Variants in ENTREP2 observed in about 807,000 individuals in gnomAD.
The protein encoded by ENTREP2 is endosomal transmembrane epsin interactor 2.
chr15:29,128,692 AAG>A, the ENTREP2 span: 2 of 893,684 alleles, frequency 2.2e-6, no homozygotes, highest in Non-Finnish European at 3.6e-6. Flanking sequence ...GAGGAGGAAA[AAG>A]AGAAGAGAAG....
At chr15:29,323,677 G>T in the ENTREP2 span, among the ~76,000 whole-genome samples, 2 of 152,068 alleles carry the variant, frequency 1.3e-5, no homozygotes, top group African/African-American at 4.8e-5. Context: ...TCCAGGCTCT[G>T]CACCAGTGAG....
At chr15:29,323,968 T>G in the ENTREP2 span, among the ~76,000 whole-genome samples, 1 of 152,132 alleles carries the variant, frequency 6.6e-6, no homozygotes, top group African/African-American at 2.4e-5. Context: ...CTAAAATAAT[T>G]TGTAAAAGAA....
At chr15:29,156,698 G>A in the ENTREP2 span, among the ~76,000 whole-genome samples, 16 of 152,276 alleles carry the variant, frequency 1.1e-4, no homozygotes, top group Admixed American at 3.3e-4. Flanking sequence ...ACAAAAGGGC[G>A]TGGCTGTTTA....
the ENTREP2 span, among the ~76,000 whole-genome samples, chr15:29,224,541 C>A: frequency 6.6e-6 from 1 of 152,152 alleles, no homozygotes; most frequent in Admixed American, 6.5e-5. Context: ...CTGATTGGTG[C>A]ATTTACAATC....
chr15:29,301,731 T>G, the ENTREP2 span, among the ~76,000 whole-genome samples: 1 of 152,138 alleles, frequency 6.6e-6, no homozygotes, highest in African/African-American at 2.4e-5. Flanking sequence ...TGTGATAGTA[T>G]TAAGAGGTGA....
chr15:29,667,638 C>T, the ENTREP2 span, among the ~76,000 whole-genome samples: 22 of 151,822 alleles, frequency 1.4e-4, no homozygotes, highest in South Asian at 2.1e-4. Flanking sequence ...GGATTACAGG[C>T]GCCTGCCACC....
chr15:29,145,622 C>CAAAAAAAA, the ENTREP2 span, among the ~76,000 whole-genome samples: 18 of 58,218 alleles, frequency 3.1e-4, no homozygotes, highest in South Asian at 1.1e-3. Flanking sequence ...GACTCCATCT[C>CAAAAAAAA]AAAAAAAAAA....
the ENTREP2 span, among the ~76,000 whole-genome samples, chr15:29,531,835 T>C: frequency 1.3e-5 from 2 of 152,064 alleles, no homozygotes; most frequent in Non-Finnish European, 2.9e-5. Context: ...CTGGCTAATT[T>C]TTGTATTTTT....
At chr15:29,262,823 C>G in the ENTREP2 span, among the ~76,000 whole-genome samples, 2 of 152,178 alleles carry the variant, frequency 1.3e-5, no homozygotes, top group East Asian at 1.9e-4. Context: ...AGTGGGCAGT[C>G]TTGGGGACTA....
the ENTREP2 span, among the ~76,000 whole-genome samples, chr15:29,570,336 G>C: frequency 2.6e-5 from 4 of 151,744 alleles, no homozygotes; most frequent in Non-Finnish European, 5.9e-5. Context: ...CCGGGCCCTG[G>C]AGTTATTCTG....
the ENTREP2 span, among the ~76,000 whole-genome samples, chr15:29,650,844 A>C: frequency 1.3e-4 from 20 of 152,194 alleles, no homozygotes; most frequent in Admixed American, 8.5e-4. Flanking sequence ...CCCTGTTTCC[A>C]AAAAAATAAA....
chr15:29,536,288 T>C, the ENTREP2 span, among the ~76,000 whole-genome samples: 1 of 152,120 alleles, frequency 6.6e-6, no homozygotes, highest in Non-Finnish European at 1.5e-5. Flanking sequence ...TGCCTAAAAC[T>C]ACAGCAGCCT....
chr15:29,414,958 G>A, the ENTREP2 span, among the ~76,000 whole-genome samples: 1 of 152,152 alleles, frequency 6.6e-6, no homozygotes, highest in South Asian at 2.1e-4. Flanking sequence ...GGAAGAAGTT[G>A]AATCTCTGAA....
chr15:29,580,083 G>C, the ENTREP2 span, among the ~76,000 whole-genome samples: 4 of 151,938 alleles, frequency 2.6e-5, no homozygotes, highest in Admixed American at 2.6e-4. Context: ...CTGAGCTCAG[G>C]CAGTCGGCCC....
the ENTREP2 span, among the ~76,000 whole-genome samples, chr15:29,646,456 CCTT>C: frequency 6.6e-6 from 1 of 152,174 alleles, no homozygotes; most frequent in East Asian, 1.9e-4. Context: ...GAGCCACTGT[CCTT>C]CTCTACGTGA....
At chr15:29,545,996 A>C in the ENTREP2 span, among the ~76,000 whole-genome samples, 4 of 152,240 alleles carry the variant, frequency 2.6e-5, no homozygotes, top group Non-Finnish European at 4.4e-5. Flanking sequence ...AAATTTCACA[A>C]AGAGGTTCAA....
the ENTREP2 span, among the ~76,000 whole-genome samples, chr15:29,535,437 A>G: frequency 6.6e-6 from 1 of 151,898 alleles, no homozygotes; most frequent in Non-Finnish European, 1.5e-5. Context: ...TAATCCCACA[A>G]CTTTGGGAGG....
the ENTREP2 span, among the ~76,000 whole-genome samples, chr15:29,529,582 TGA>T: frequency 1.3e-5 from 2 of 151,904 alleles, no homozygotes; most frequent in East Asian, 3.9e-4. Context: ...CACTCACAGG[TGA>T]GCCATTACCA....
the ENTREP2 span, among the ~76,000 whole-genome samples, chr15:29,648,515 T>G: frequency 6.6e-6 from 1 of 152,214 alleles, no homozygotes; most frequent in African/African-American, 2.4e-5. Flanking sequence ...CCCAGGACTA[T>G]AGTACAGCAA....
Sources: allele counts gnomAD v4.1 joint callset (sites outside exome capture counted in the v4.1 genomes callset), GRCh38; gene constraint gnomAD v4.1.1; transcripts MANE v1.5; gene names NCBI Gene and HGNC (gene_info 2026-07-23, HGNC 2026-07-21).